The following TLDC2 variants were observed in gnomAD, a reference collection of about 807,000 sequenced individuals.
TLDC2 encodes TLD domain-containing protein 2.
In TLDC2, 23 loss-of-function variants were observed where a neutral mutation model predicts 27.9. That is an observed-to-expected ratio of 0.82 (90% confidence interval 0.59 to 1.17). The LOEUF (loss-of-function observed/expected upper bound fraction) is 1.17, where lower values mean the gene tolerates loss of function less well. TLDC2 is among the 50% of genes most tolerant of loss of function. TLDC2 has a pLI of 0.00. For synonymous variants in TLDC2, 124 were observed against 107.4 expected, an observed-to-expected ratio of 1.16 and a Z score of -0.96; for missense variants, 286 against 273.4, an observed-to-expected ratio of 1.05 and a Z score of -0.32.
chr20:36,879,196 G>A lies in TLDC2; in HGVS notation c.342+3G>A, dbSNP rs1382914954. The stretch of plus-strand genomic sequence containing the variant: ...TGCTCAGGGACCAGGACGGGCAGGT[G>A]AGCTGGGCAGGGGCACCACCCGAGG... On this transcript the variant is annotated splice_donor_region_variant and intron_variant, in intron 3 of 6. Transcript: ENST00000217320. 1.2e-6 allele frequency: 2 copies of A among 1,611,120 alleles called. No homozygotes were observed. Among genetic ancestry groups the A allele is most frequent in the African/African-American group, 2.7e-5 (2 of 74,930 alleles).
rs35828858 is a variant in TLDC2 at position 36,888,704 on chromosome 20, C to CAAAA, written c.513-526_513-523dup. On this transcript the variant is annotated intron_variant, in intron 5 of 6. Transcript: ENST00000217320. Reference sequence around the variant, plus strand: ...CTGGGCGACAGAGCAAGACTCCTATCAAAAAAAAAAAAAAAAAAAAAAAAT... The same window carrying CAAAA: ...CTGGGCGACAGAGCAAGACTCCTATCAAAAAAAAAAAAAAAAAAAAAAAAAAAAT... Among the ~76,000 whole-genome samples, 90 of 62,730 alleles carry CAAAA rather than the reference C, an allele frequency of 1.4e-3. 1 individual carries two copies. The highest frequency in any genetic ancestry group is 6.8e-3 in the East Asian group (12 of 1,768). The allele number at this position is 62,730 out of a possible 152,430, so 41.2% of individuals were successfully genotyped here.
chr20:36,890,418 C>CTTTCTTTCTTTCTTTCTTTCTTTCTTT (rs1555830170), intron 6 of TLDC2: 2 of 17,774 alleles, frequency 1.1e-4, no homozygotes, highest in Admixed American at 1.2e-3. Context: ...TTCTTTCTTT[C>CTTTCTTTCTTTCTTTCTTTCTTTCTTT]TTTTCTTTCT....
intron 3 of TLDC2, among the ~76,000 whole-genome samples, chr20:36,880,080 T>TAC: frequency 2.2e-5 from 1 of 44,502 alleles, no homozygotes; most frequent in East Asian, 4.9e-4. Flanking sequence ...CATATATATA[T>TAC]ATATATATAT....
intron 1 of TLDC2, among the ~76,000 whole-genome samples, chr20:36,877,069 CT>C (rs1488376166): frequency 6.6e-6 from 1 of 152,124 alleles, no homozygotes; most frequent in African/African-American, 2.4e-5. Flanking sequence ...CATTTTCTTC[CT>C]TTGGAAAATG....
intron 4 of TLDC2, among the ~76,000 whole-genome samples, chr20:36,886,191 C>T (rs1004353694): frequency 1.8e-4 from 27 of 152,154 alleles, no homozygotes; most frequent in Admixed American, 1.4e-3. Context: ...TGCAGTGGTG[C>T]GATCATAGCT....
chr20:36,890,036 T>A (rs1291141), intron 6 of TLDC2: 1 of 152,006 alleles, frequency 6.6e-6, no homozygotes, highest in African/African-American at 2.4e-5. Context: ...AACTAATAAA[T>A]ACTGTAGCAG....
intron 4 of TLDC2, among the ~76,000 whole-genome samples, chr20:36,883,813 G>A (rs1001075408): frequency 2.6e-5 from 4 of 152,212 alleles, no homozygotes; most frequent in Admixed American, 6.5e-5. Flanking sequence ...GGAAGCCAGG[G>A]CAGGGCTCAG....
intron 4 of TLDC2, among the ~76,000 whole-genome samples, chr20:36,882,181 G>A: frequency 6.6e-6 from 1 of 152,094 alleles, no homozygotes; most frequent in East Asian, 1.9e-4. Context: ...CCTGCCTCTG[G>A]GTTATTTATT....
chr20:36,876,422 T>C (rs1989669082), intron 1 of TLDC2, among the ~76,000 whole-genome samples: 1 of 152,202 alleles, frequency 6.6e-6, no homozygotes, highest in Admixed American at 6.5e-5. Flanking sequence ...GACAGACCGA[T>C]GTCTCTGTCC....
At position 36,893,322 on chromosome 20, in the gene TLDC2, T is replaced by G. The variant is rs1437637987; in HGVS notation, c.*478T>G. ...GAGATGACTGGGAGCAGCATACCAC[T>G]GCCCACCTCTATGGCCTCCTTCACA... On this transcript the variant is annotated 3_prime_UTR_variant, in exon 7 of 7. Coordinates refer to ENST00000217320, the MANE Select transcript of TLDC2 (RefSeq NM_080628.3). The G allele has an allele frequency of 1.3e-5, 7 of 544,116 alleles. No homozygotes were observed. The highest frequency in any genetic ancestry group is 2.3e-5 in the Non-Finnish European group (7 of 304,374). 33.7% of individuals were successfully genotyped at this position (544,116 alleles called of 1,614,324 possible). A position where few individuals can be genotyped will look rare whatever the true frequency, so the allele number is the denominator to read the frequency against.
intron 1 of TLDC2, among the ~76,000 whole-genome samples, chr20:36,877,587 C>T (rs1989700405): frequency 7.3e-6 from 1 of 136,224 alleles, no homozygotes; most frequent in Admixed American, 7.5e-5. Context: ...CTGCCACCCA[C>T]CCAGGACCAT....
At chr20:36,879,251 G>A in intron 3 of TLDC2, 58 bp downstream of exon 3, 3 of 1,561,534 alleles carry the variant, frequency 1.9e-6, no homozygotes, top group Non-Finnish European at 2.6e-6. Context: ...GGTACTCATG[G>A]GCCCTGTCCC....
At chr20:36,878,797 T>C (rs1263686336) in intron 2 of TLDC2, among the ~76,000 whole-genome samples, 1 of 151,960 alleles carries the variant, frequency 6.6e-6, no homozygotes, top group Non-Finnish European at 1.5e-5. Flanking sequence ...TCACTACCCA[T>C]GCGAGCTTTG....
intron 4 of TLDC2, among the ~76,000 whole-genome samples, chr20:36,880,988 C>A (rs1232445234): frequency 6.6e-6 from 1 of 152,204 alleles, no homozygotes; most frequent in Non-Finnish European, 1.5e-5. Flanking sequence ...GGAGGGAGGA[C>A]CATGCTTGCC....
rs775082384 is a variant in TLDC2, at chr20:36,892,878, C to A, written c.*34C>A. The A allele has an allele frequency of 6.2e-7, 1 of 1,603,878 alleles. No individual in the cohort carries two copies. Among genetic ancestry groups the A allele is most frequent in the Non-Finnish European group, 8.5e-7 (1 of 1,170,948 alleles). On this transcript the variant is annotated 3_prime_UTR_variant, in exon 7 of 7. Transcript: ENST00000217320. The stretch of plus-strand genomic sequence containing the variant: ...AATTTGCAGAATTCTATGATTGAAG[C>A]CTCTAAATGAATTGTGCAGGAGAGG...
chr20:36,876,760 AACACACACACTC>A (rs1989678181), intron 1 of TLDC2, among the ~76,000 whole-genome samples: 1 of 151,894 alleles, frequency 6.6e-6, no homozygotes, highest in Admixed American at 6.6e-5. Context: ...CACACATTCA[AACACACACACTC>A]ACACACACAC....
rs551199305 is a variant in TLDC2 at position 36,889,337 on chromosome 20, G to A, written c.599G>A (p.Arg200Gln). The change falls in exon 6 of 7, where the codon CGG becomes CAG. Residue 200 changes from arginine to glutamine, a missense_variant. Coordinates refer to ENST00000217320, the MANE Select transcript of TLDC2 (RefSeq NM_080628.3). The stretch of plus-strand genomic sequence containing the variant: ...ACCTTCAACAACGAGGTGCTGGCCC[G>A]GCAGGAGCAGTTCTGCATCCAGGAG... ...CPTFNNEVLA[R>Q]QEQFCIQELE... The A allele has an allele frequency of 1.5e-5, 25 of 1,614,160 alleles. No homozygotes were observed. The highest frequency in any genetic ancestry group is 6.7e-5 in the East Asian group (3 of 44,886).
rs749662092 is a variant in TLDC2, at chr20:36,893,609, C to A, written c.*765C>A. 3 of 335,200 alleles carry A rather than the reference C, an allele frequency of 8.9e-6. No individual in the cohort carries two copies. Among genetic ancestry groups the A allele is most frequent in the Non-Finnish European group, 1.6e-5 (3 of 186,890 alleles). 20.8% of individuals were successfully genotyped at this position (335,200 alleles called of 1,614,324 possible). On this transcript the variant is annotated 3_prime_UTR_variant, in exon 7 of 7. Coordinates refer to ENST00000217320, the MANE Select transcript of TLDC2 (RefSeq NM_080628.3). ...AATAAGGGAGAGATCCAAAGGGAGG[C>A]GATACAATGACGTGAAACCATAGAG...
chr20:36,879,260 C>T (rs1989748668), intron 3 of TLDC2, 67 bp downstream of exon 3: 1 of 1,538,302 alleles, frequency 6.5e-7, no homozygotes, highest in South Asian at 1.2e-5. Flanking sequence ...GGGCCCTGTC[C>T]CAGGGCAGCT....
Sources: allele counts gnomAD v4.1 joint callset (sites outside exome capture counted in the v4.1 genomes callset), GRCh38; gene constraint gnomAD v4.1.1; transcripts MANE v1.5; gene names NCBI Gene and HGNC (gene_info 2026-07-23, HGNC 2026-07-21).